ANKS1B: variants seen among roughly 807,000 people sequenced by gnomAD.
The protein encoded by ANKS1B is ankyrin repeat and sterile alpha motif domain-containing protein 1B.
Under a neutral mutation model 148.3 loss-of-function variants are expected in ANKS1B, and 36 were observed. The ratio of observed to expected loss-of-function variants is 0.24; its 90% CI spans 0.19 to 0.32. The LOEUF (loss-of-function observed/expected upper bound fraction) is 0.32, where lower values mean the gene tolerates loss of function less well. Among genes scored for constraint, ANKS1B ranks in the 10% least tolerant of loss-of-function variants. The pLI, the probability that ANKS1B is intolerant of heterozygous loss-of-function variation, is 1.00. For missense variants in ANKS1B, 1,157 were observed against 1,542.6 expected (o/e 0.75, Z 4.19); for synonymous variants, 542 against 560.8 (o/e 0.97, Z 0.47).
chr12:99,121,112 A>G (rs1227732517), intron 15 of ANKS1B, among the ~76,000 whole-genome samples: 1 of 150,484 alleles, frequency 6.6e-6, no homozygotes, highest in Non-Finnish European at 1.5e-5. Context: ...TTTTTTGGTC[A>G]TATGTATTGA....
intron 17 of ANKS1B, among the ~76,000 whole-genome samples, chr12:98,927,188 C>T (rs1484688981): frequency 6.6e-6 from 1 of 152,062 alleles, no homozygotes; most frequent in African/African-American, 2.4e-5. Flanking sequence ...TCAACAAAAA[C>T]CATGAAATCC....
At chr12:99,737,410 T>C (rs931182939) in intron 8 of ANKS1B, among the ~76,000 whole-genome samples, 1 of 152,148 alleles carries the variant, frequency 6.6e-6, no homozygotes, top group African/African-American at 2.4e-5. Flanking sequence ...GAAATCCTTA[T>C]GTTAAGTGAA....
intron 1 of ANKS1B, among the ~76,000 whole-genome samples, chr12:99,973,414 T>C (rs2095585181): frequency 6.6e-6 from 1 of 152,140 alleles, no homozygotes; most frequent in Non-Finnish European, 1.5e-5. Context: ...ACCCTGTCTC[T>C]ACAAAAAATT....
intron 1 of ANKS1B, among the ~76,000 whole-genome samples, chr12:99,866,951 A>G (rs2090836120): frequency 6.6e-6 from 1 of 152,110 alleles, no homozygotes; most frequent in African/African-American, 2.4e-5. Context: ...TCAGGGAAAA[A>G]GATAGCAACT....
intron 1 of ANKS1B, among the ~76,000 whole-genome samples, chr12:99,980,203 G>A (rs1233970342): frequency 1.3e-5 from 2 of 151,554 alleles, no homozygotes; most frequent in East Asian, 1.9e-4. Flanking sequence ...TGTTCAACAT[G>A]AGCCAACACC....
intron 14 of ANKS1B, among the ~76,000 whole-genome samples, chr12:99,215,852 C>T (rs997235809): frequency 1.3e-5 from 2 of 152,112 alleles, no homozygotes; most frequent in South Asian, 2.1e-4. Context: ...TGAGTTAATG[C>T]TAAAATGAGT....
At chr12:98,894,991 A>AGCGGCG (rs555983816) in intron 17 of ANKS1B, 13,042 of 715,954 alleles carry the variant, frequency 0.018, 192 homozygotes, top group Non-Finnish European at 0.021. Context: ...CCCTGGCGGC[A>AGCGGCG]GCGGCGGCGG....
intron 15 of ANKS1B, among the ~76,000 whole-genome samples, chr12:99,122,613 T>A (rs1486998799): frequency 6.6e-6 from 1 of 152,178 alleles, no homozygotes; most frequent in Non-Finnish European, 1.5e-5. Context: ...AAAATACATG[T>A]CTAATCAATT....
intron 1 of ANKS1B, among the ~76,000 whole-genome samples, chr12:99,905,550 T>C (rs2093748631): frequency 6.6e-6 from 1 of 152,224 alleles, no homozygotes; most frequent in South Asian, 2.1e-4. Flanking sequence ...AACAAAGTTG[T>C]ATCAGTTGCT....
At chr12:99,444,856 C>T (rs573812254) in intron 10 of ANKS1B, among the ~76,000 whole-genome samples, 11 of 152,098 alleles carry the variant, frequency 7.2e-5, no homozygotes, top group South Asian at 2.1e-4. Flanking sequence ...TGTTCCTGAT[C>T]GCTGTCTACA....
intron 9 of ANKS1B, among the ~76,000 whole-genome samples, chr12:99,646,446 A>G (rs180756045): frequency 8.9e-4 from 136 of 152,234 alleles, no homozygotes; most frequent in African/African-American, 3.2e-3. Context: ...TCACGAGGTC[A>G]GGAGTTCGAG....
chr12:99,640,226 T>C (rs1215801306), intron 9 of ANKS1B, among the ~76,000 whole-genome samples: 1 of 151,972 alleles, frequency 6.6e-6, no homozygotes, highest in Admixed American at 6.6e-5. Context: ...ACAAAAACGA[T>C]CATACAAACA....
chr12:98,889,250 T>A (rs2099746909), intron 17 of ANKS1B, among the ~76,000 whole-genome samples: 1 of 152,216 alleles, frequency 6.6e-6, no homozygotes, highest in Admixed American at 6.5e-5. Flanking sequence ...AAAGAAACAT[T>A]TCAACTGATC....
intron 12 of ANKS1B, among the ~76,000 whole-genome samples, chr12:99,260,259 A>C (rs541520670): frequency 6.6e-6 from 1 of 152,356 alleles, no homozygotes; most frequent in African/African-American, 2.4e-5. Flanking sequence ...TGATTTTGTA[A>C]TATAAAAGGG....
intron 1 of ANKS1B, among the ~76,000 whole-genome samples, chr12:99,904,911 T>C (rs1330096949): frequency 6.6e-6 from 1 of 152,234 alleles, no homozygotes; most frequent in Non-Finnish European, 1.5e-5. Flanking sequence ...CTGAAGCGCA[T>C]ACTATATTCA....
intron 17 of ANKS1B, among the ~76,000 whole-genome samples, chr12:99,012,072 T>A (rs1033558461): frequency 2.6e-5 from 4 of 152,188 alleles, no homozygotes; most frequent in Non-Finnish European, 5.9e-5. Flanking sequence ...ACATCTTACC[T>A]GGCTGGGTTC....
intron 9 of ANKS1B, chr12:99,649,416 C>G (rs757826494): frequency 6.3e-7 from 1 of 1,579,294 alleles, no homozygotes; most frequent in South Asian, 1.1e-5. Flanking sequence ...ATACCTCCCA[C>G]ATATACTACG....
rs3081654 is a variant in ANKS1B, at chr12:99,632,727, CTATATATATATATATATATATATATA to C, written c.1272+22314_1272+22339del. Among the ~76,000 whole-genome samples, 12 of 39,044 alleles carry C rather than the reference CTATATATATATATATATATATATATA, an allele frequency of 3.1e-4. 1 individual carries two copies. Among genetic ancestry groups the C allele is most frequent in the Non-Finnish European group, 3.9e-4 (7 of 17,864 alleles). The allele number at this position is 39,044 out of a possible 152,430, so 25.6% of individuals were successfully genotyped here. A position where few individuals can be genotyped will look rare whatever the true frequency, so the allele number is the denominator to read the frequency against. On this transcript the variant is annotated intron_variant, in intron 9 of 26. Coordinates refer to ENST00000683438, the MANE Select transcript of ANKS1B (RefSeq NM_001352186.2). Reference sequence around the variant, plus strand: ...TTTGGCCTGTGTCTTCCTTTTCTTTCTATATATATATATATATATATATATATATATATATATATATTTTAATTATA... The same window carrying C: ...TTTGGCCTGTGTCTTCCTTTTCTTTCTATATATATATATATTTTAATTATA...
At chr12:98,953,753 A>G (rs1055368731) in intron 17 of ANKS1B, among the ~76,000 whole-genome samples, 6 of 152,010 alleles carry the variant, frequency 3.9e-5, no homozygotes, top group Non-Finnish European at 7.4e-5. Flanking sequence ...AGCTGACTCC[A>G]GTTGATCTTT....
Sources: gnomAD v4.1 joint callset for allele counts (sites outside exome capture counted in the v4.1 genomes callset) on GRCh38, gnomAD v4.1.1 for gene constraint, MANE v1.5 for transcripts, NCBI Gene and HGNC (gene_info 2026-07-23, HGNC 2026-07-21) for gene names.